Variants in PIK3CD observed in about 807,000 individuals in gnomAD.
PIK3CD encodes phosphatidylinositol 4,5-bisphosphate 3-kinase catalytic subunit delta isoform.
A neutral mutation model predicts 122.9 loss-of-function variants in PIK3CD; 20 were observed. The ratio of observed to expected loss-of-function variants is 0.16; its 90% CI spans 0.11 to 0.24. PIK3CD has a LOEUF of 0.24. Ranked by LOEUF, PIK3CD falls within the 10% of genes least tolerant of loss-of-function variation. PIK3CD has a pLI of 1.00. For missense variants in PIK3CD, 787 were observed against 1,406.3 expected, an observed-to-expected ratio of 0.56 and a Z score of 7.04; for synonymous variants, 596 against 593.4, an observed-to-expected ratio of 1.00 and a Z score of -0.06.
In PIK3CD at chr1:9,720,020, C is replaced by T. The variant is rs763675477; in HGVS notation, c.1339+3C>T. The T allele has an allele frequency of 2.7e-5, 43 of 1,613,388 alleles. 1 individual carries two copies. Among genetic ancestry groups the T allele is most frequent in the Middle Eastern group, 3.3e-4 (2 of 6,084 alleles). On this transcript the variant is annotated splice_donor_region_variant and intron_variant, in intron 10 of 23. Coordinates refer to ENST00000377346, the MANE Select transcript of PIK3CD (RefSeq NM_005026.5). This position sits in a 1 kb window ranked among gnomAD's most constrained non-coding sequence, Gnocchi z 9.0. ...CTACATGTGGCCCTCCGTCCCAGGT[C>T]GGCCCAGGCCCAGGAGGGAGAGGCG...
chr1:9,717,425 G>T lies in PIK3CD; in HGVS notation c.931-112G>T, dbSNP rs986400921. On this transcript the variant is annotated intron_variant, in intron 7 of 23. Transcript: ENST00000377346. The surrounding 1 kb of genome is among the most constrained non-coding windows in gnomAD (Gnocchi z 5.4). ...ATTGTGGACAGGCCCAAACCTGGCCGCAAACCTGTGACCCTCTCACCCGCC... is the reference window on the plus strand; with the variant it reads ...ATTGTGGACAGGCCCAAACCTGGCCTCAAACCTGTGACCCTCTCACCCGCC... 715 of 1,092,464 alleles carry T rather than the reference G, an allele frequency of 6.5e-4. 4 individuals are homozygous for T. The highest frequency in any genetic ancestry group is 1.1e-4 in the Non-Finnish European group (81 of 715,752). The allele number at this position is 1,092,464 out of a possible 1,614,324, so 67.7% of individuals were successfully genotyped here.
rs776321257 is a variant in PIK3CD, at chr1:9,720,283, C to A, written c.1470+41C>A. ...GCCGCGTGAGGCTGAGGGGCTGGCG[C>A]GGAGCTCTCCTGGCCCTGCTCCTGG... On this transcript the variant is annotated intron_variant, in intron 11 of 23. Coordinates refer to ENST00000377346, the MANE Select transcript of PIK3CD (RefSeq NM_005026.5). The surrounding 1 kb of genome is among the most constrained non-coding windows in gnomAD (Gnocchi z 9.0). 1 of 1,584,298 alleles carries A rather than the reference C, an allele frequency of 6.3e-7. No individual in the cohort carries two copies. The highest frequency in any genetic ancestry group is 1.7e-5 in the Admixed American group (1 of 58,832).
rs76632330 is a variant in PIK3CD at position 9,653,792 on chromosome 1, T to C, written c.-138+1990T>C. On this transcript the variant is annotated intron_variant, in intron 1 of 23. Coordinates refer to ENST00000377346, the MANE Select transcript of PIK3CD (RefSeq NM_005026.5). ...CCTGCTGGAGTTTCATTTCTTGATA[T>C]TAGGATTCCAGCCATCTTGGCTGGT... 3,059 of 1,366,582 alleles carry C rather than the reference T, an allele frequency of 2.2e-3. 67 individuals carry two copies. The African/African-American group carries it at 0.041, about 18-fold the overall frequency. The allele number at this position is 1,366,582 out of a possible 1,614,324, so 84.7% of individuals were successfully genotyped here. A position where few individuals can be genotyped will look rare whatever the true frequency, so the allele number is the denominator to read the frequency against.
intron 3 of PIK3CD, among the ~76,000 whole-genome samples, chr1:9,714,249 C>A (rs775967436): frequency 6.6e-6 from 1 of 152,136 alleles, no homozygotes; most frequent in African/African-American, 2.4e-5. Flanking sequence ...ATACACATCT[C>A]GATTTGGTCC....
At chr1:9,665,129 T>C (rs1645119585) in intron 1 of PIK3CD, among the ~76,000 whole-genome samples, 1 of 140,348 alleles carries the variant, frequency 7.1e-6, no homozygotes, top group African/African-American at 2.7e-5. Flanking sequence ...GCCTGAGCCC[T>C]GGAGGTCAAG....
At position 9,652,079 on chromosome 1, in the gene PIK3CD, C is replaced by G. The variant is rs574306542; in HGVS notation, c.-138+277C>G. ...GCCGAGAGGGGCGTGCGCAGCTCCCCGGCGCCTGCACTGCGCGCCTTGCCC... is the reference window on the plus strand; with the variant it reads ...GCCGAGAGGGGCGTGCGCAGCTCCCGGGCGCCTGCACTGCGCGCCTTGCCC... On this transcript the variant is annotated intron_variant, in intron 1 of 23. Transcript: ENST00000377346. The surrounding 1 kb of genome is among the most constrained non-coding windows in gnomAD (Gnocchi z 6.2). Among the ~76,000 whole-genome samples, 1 of 152,018 alleles carries G rather than the reference C, an allele frequency of 6.6e-6. No homozygotes were observed. The highest frequency in any genetic ancestry group is 2.4e-5 in the African/African-American group (1 of 41,522).
chr1:9,691,889 C>T (rs529677653), intron 2 of PIK3CD: 2 of 234,978 alleles, frequency 8.5e-6, no homozygotes, highest in Non-Finnish European at 1.6e-5. Flanking sequence ...ACACTGGCCA[C>T]GGTAGCGTTG....
chr1:9,724,538 T>C lies in PIK3CD; in HGVS notation c.2864+117T>C. ...AGGTCTCAACCCCACACCTGGCCCC[T>C]CACCCCAACTGTTGATGGGTTTGGA... is the stretch of plus-strand genomic sequence containing the variant. On this transcript the variant is annotated intron_variant, in intron 22 of 23. Transcript: ENST00000377346. The surrounding 1 kb of genome is among the most constrained non-coding windows in gnomAD (Gnocchi z 7.3). 4.2e-6 allele frequency: 5 copies of C among 1,196,478 alleles called. No individual in the cohort carries two copies. Among genetic ancestry groups the C allele is most frequent in the Non-Finnish European group, 6.1e-6 (5 of 820,796 alleles). 74.1% of individuals were successfully genotyped at this position (1,196,478 alleles called of 1,614,324 possible). A position where few individuals can be genotyped will look rare whatever the true frequency, so the allele number is the denominator to read the frequency against.
Position 9,710,151 on chromosome 1 carries a change from A to C in PIK3CD, c.-32-273A>C. 2.3e-6 allele frequency: 1 copy of C among 436,112 alleles called. No individual in the cohort carries two copies. The highest frequency in any genetic ancestry group is 2.1e-5 in the South Asian group (1 of 47,834). The allele number at this position is 436,112 out of a possible 1,614,324, so 27.0% of individuals were successfully genotyped here. Reference sequence around the variant, plus strand: ...CGTGGATGTGTATGTTCCTGAGGAAAGATGATTTGCTGTGCGTGCTCCTGT... The same window carrying C: ...CGTGGATGTGTATGTTCCTGAGGAACGATGATTTGCTGTGCGTGCTCCTGT... On this transcript the variant is annotated intron_variant, in intron 2 of 23. Coordinates refer to ENST00000377346, the MANE Select transcript of PIK3CD (RefSeq NM_005026.5). The surrounding 1 kb of genome is among the most constrained non-coding windows in gnomAD (Gnocchi z 4.7).
At chr1:9,676,219 C>A (rs1403783638) in intron 1 of PIK3CD, among the ~76,000 whole-genome samples, 4 of 151,632 alleles carry the variant, frequency 2.6e-5, no homozygotes, top group Non-Finnish European at 5.9e-5. Flanking sequence ...TGTGAGCCAC[C>A]GCACCCAGCC....
At chr1:9,708,797 A>G (rs1374777881) in intron 2 of PIK3CD, among the ~76,000 whole-genome samples, 2 of 151,974 alleles carry the variant, frequency 1.3e-5, no homozygotes, top group African/African-American at 4.8e-5. Context: ...GCACCACTGC[A>G]CTCCAGCCTG....
Position 9,717,136 on chromosome 1 carries a change from T to C in PIK3CD, c.930+28T>C, listed in dbSNP as rs1367306661. The C allele has an allele frequency of 1.2e-6, 2 of 1,613,436 alleles. No homozygotes were observed. The highest frequency in any genetic ancestry group is 2.7e-5 in the African/African-American group (2 of 74,948). On this transcript the variant is annotated intron_variant, in intron 7 of 23. Coordinates refer to ENST00000377346, the MANE Select transcript of PIK3CD (RefSeq NM_005026.5). This position sits in a 1 kb window ranked among gnomAD's most constrained non-coding sequence, Gnocchi z 5.4. Reference sequence around the variant, plus strand: ...GAGATGGCGCCTTCCGCCTCCCCTCTGAGCCACCCCTTCTTTCCACCTGGC... The same window carrying C: ...GAGATGGCGCCTTCCGCCTCCCCTCCGAGCCACCCCTTCTTTCCACCTGGC...
rs951764639 is a variant in PIK3CD at position 9,715,370 on chromosome 1, A to G, written c.142-171A>G. Among the ~76,000 whole-genome samples, 5 of 152,102 alleles carry G rather than the reference A, an allele frequency of 3.3e-5. No individual in the cohort carries two copies. The highest frequency in any genetic ancestry group is 1.2e-4 in the African/African-American group (5 of 41,410). On this transcript the variant is annotated intron_variant, in intron 3 of 23. Transcript: ENST00000377346. This position sits in a 1 kb window ranked among gnomAD's most constrained non-coding sequence, Gnocchi z 4.1. ...AGGGCATCAGTGGAGAAGCCTGTCCACCCATGGTCAGCACCCAGGGGGCTG... is the reference window on the plus strand; with the variant it reads ...AGGGCATCAGTGGAGAAGCCTGTCCGCCCATGGTCAGCACCCAGGGGGCTG...
chr1:9,639,436 G>A, the PIK3CD span, among the ~76,000 whole-genome samples: 19 of 151,906 alleles, frequency 1.3e-4, no homozygotes, highest in South Asian at 2.1e-4. Flanking sequence ...GCTTTTACTC[G>A]TCTCTAAACC....
the PIK3CD span, among the ~76,000 whole-genome samples, chr1:9,627,493 A>T: frequency 6.6e-6 from 1 of 152,180 alleles, no homozygotes; most frequent in African/African-American, 2.4e-5. Context: ...TCCACCTCAG[A>T]CTTCGCGCCC....
At chr1:9,653,807 T>A in intron 1 of PIK3CD, 1 of 1,367,168 alleles carries the variant, frequency 7.3e-7, no homozygotes, top group Non-Finnish European at 9.8e-7. Context: ...ATTCCAGCCA[T>A]CTTGGCTGGT....
At chr1:9,654,665 G>A (rs536847364) in intron 1 of PIK3CD, 6 of 358,260 alleles carry the variant, frequency 1.7e-5, no homozygotes, top group Non-Finnish European at 3.3e-5. Flanking sequence ...CCATTTTTGT[G>A]TAGAGAGCAG....
rs890428851 is a variant in PIK3CD, at chr1:9,652,989, A to T, written c.-138+1187A>T. 6.6e-6 allele frequency: 1 copy of T among 152,228 alleles called. No homozygotes were observed. The highest frequency in any genetic ancestry group is 1.9e-4 in the East Asian group (1 of 5,194). The allele number at this position is 152,228 out of a possible 1,614,324, so 9.4% of individuals were successfully genotyped here. Reference sequence around the variant, plus strand: ...GTGTTCCCTGGAAGGTGGGACCTGCAGATCTTGAACCCCACCAGACTCCAT... The same window carrying T: ...GTGTTCCCTGGAAGGTGGGACCTGCTGATCTTGAACCCCACCAGACTCCAT... On this transcript the variant is annotated intron_variant, in intron 1 of 23. Transcript: ENST00000377346. The surrounding 1 kb of genome is among the most constrained non-coding windows in gnomAD (Gnocchi z 6.2).
chr1:9,655,445 C>T (rs1320010539), intron 1 of PIK3CD, among the ~76,000 whole-genome samples: 3 of 100,554 alleles, frequency 3.0e-5, no homozygotes, highest in Non-Finnish European at 1.9e-5. Context: ...AGGAACCCCC[C>T]GCCCCCCCCC....
Sources: gnomAD v4.1 joint callset for allele counts (sites outside exome capture counted in the v4.1 genomes callset) on GRCh38, gnomAD v4.1.1 for gene constraint, Gnocchi (gnomAD v3.1) non-coding constraint, MANE v1.5 for transcripts, NCBI Gene and HGNC (gene_info 2026-07-23, HGNC 2026-07-21) for gene names.